The following ATXN2 variants were observed in gnomAD, a reference collection of about 807,000 sequenced individuals.
ATXN2 encodes the protein ataxin-2.
Under a neutral mutation model 138.6 loss-of-function variants are expected in ATXN2, and 37 were observed. The ratio of observed to expected loss-of-function variants is 0.27; its 90% CI spans 0.21 to 0.35. ATXN2 has a LOEUF of 0.35. ATXN2 is among the 10% of genes least tolerant of loss of function. ATXN2 has a pLI of 1.00. For synonymous variants in ATXN2, 549 were observed against 543.7 expected, an observed-to-expected ratio of 1.01 and a Z score of -0.13; for missense variants, 1,216 against 1,480.3, an observed-to-expected ratio of 0.82 and a Z score of 2.93.
At chr12:111,525,060 AT>A in intron 6 of ATXN2, 131 bp downstream of exon 6, 1 of 1,195,568 alleles carries the variant, frequency 8.4e-7, no homozygotes, top group Non-Finnish European at 1.1e-6. Context: ...GTCTCTAGTT[AT>A]ACAACAAACC....
chr12:111,575,173 C>T (rs987214631), intron 1 of ATXN2, among the ~76,000 whole-genome samples: 1 of 151,854 alleles, frequency 6.6e-6, no homozygotes, highest in Admixed American at 6.6e-5. Context: ...CAGTGGCTGT[C>T]CCTGAAGCAC....
At chr12:111,510,074 A>T in intron 12 of ATXN2, 76 bp from the exon 13 acceptor site, 3 of 1,105,070 alleles carry the variant, frequency 2.7e-6, no homozygotes, top group Non-Finnish European at 3.9e-6. Flanking sequence ...AATAATTTTG[A>T]TTTCCTATGT....
At chr12:111,585,532 C>T (rs1436131002) in intron 1 of ATXN2, among the ~76,000 whole-genome samples, 8 of 133,696 alleles carry the variant, frequency 6.0e-5, no homozygotes, top group African/African-American at 1.7e-4. Flanking sequence ...AAGCCAGGTG[C>T]GGTGGCTCAC....
intron 11 of ATXN2, chr12:111,512,460 T>G (rs1350308729): frequency 6.7e-6 from 1 of 149,846 alleles, no homozygotes; most frequent in Non-Finnish European, 1.5e-5. Context: ...ACTTTTTTTT[T>G]TTTTTTTTTT....
chr12:111,573,886 C>A, intron 1 of ATXN2, among the ~76,000 whole-genome samples: 1 of 130,672 alleles, frequency 7.7e-6, no homozygotes, highest in Non-Finnish European at 1.6e-5. Flanking sequence ...TTTTTTTTTT[C>A]CAGAAAAAAT....
At chr12:111,485,390 T>TGTCAC in intron 17 of ATXN2, 59 bp from the exon 18 acceptor site, 5 of 1,468,982 alleles carry the variant, frequency 3.4e-6, no homozygotes, top group Non-Finnish European at 4.7e-6. Flanking sequence ...CAAGGTATTC[T>TGTCAC]GTCACTCTTA....
At position 111,488,457 on chromosome 12, in the gene ATXN2, A is replaced by C; in HGVS notation, c.2240+19T>G. ...AGTTAATTGAGTAACAGGATGGTCTAAGTTCCAGGTTTACTCACTCAGCTG... is the reference window on the plus strand; with the variant it reads ...AGTTAATTGAGTAACAGGATGGTCTCAGTTCCAGGTTTACTCACTCAGCTG... On this transcript the variant is annotated intron_variant, in intron 15 of 24. Transcript: ENST00000673436. 1 of 1,587,130 alleles carries C rather than the reference A, an allele frequency of 6.3e-7. No individual in the cohort carries two copies. The highest frequency in any genetic ancestry group is 8.6e-7 in the Non-Finnish European group (1 of 1,168,380).
chr12:111,544,714 C>T (rs935682841), intron 5 of ATXN2, among the ~76,000 whole-genome samples: 1 of 151,998 alleles, frequency 6.6e-6, no homozygotes, highest in African/African-American at 2.4e-5. Flanking sequence ...GATCAATAAA[C>T]ATAAAAAATA....
intron 14 of ATXN2, 64 bp downstream of exon 14, chr12:111,509,485 T>A (rs1023146547): frequency 2.2e-6 from 2 of 924,580 alleles, no homozygotes; most frequent in East Asian, 5.4e-5. Flanking sequence ...TTTTTATAAA[T>A]AGATAAATCT....
At chr12:111,526,399 ATC>A (rs1294220930) in intron 5 of ATXN2, among the ~76,000 whole-genome samples, 4 of 139,400 alleles carry the variant, frequency 2.9e-5, no homozygotes, top group East Asian at 2.1e-4. Flanking sequence ...CATCAAAAAT[ATC>A]TCTTTTTTTT....
chr12:111,561,732 G>T (rs1457836114), intron 1 of ATXN2, among the ~76,000 whole-genome samples: 1 of 151,970 alleles, frequency 6.6e-6, no homozygotes, highest in Non-Finnish European at 1.5e-5. Context: ...TACTTGGGAG[G>T]CTGAGGCACA....
Position 111,527,530 on chromosome 12 carries a change from C to A in ATXN2, c.572-2214G>T, listed in dbSNP as rs180851137. ...AATTCTAACCTCTTCTTATCCCAAACTAGGTGTGGGTAGGTATGAGTGTGT... is the reference window on the plus strand; with the variant it reads ...AATTCTAACCTCTTCTTATCCCAAAATAGGTGTGGGTAGGTATGAGTGTGT... On this transcript the variant is annotated intron_variant, in intron 5 of 24. Transcript: ENST00000673436. 2.0e-5 allele frequency among the ~76,000 whole-genome samples: 3 copies of A among 152,312 alleles called. No homozygotes were observed. In the East Asian group the frequency reaches 5.8e-4, roughly 29 times the overall value.
intron 5 of ATXN2, among the ~76,000 whole-genome samples, chr12:111,536,164 A>C (rs552275005): frequency 9.2e-5 from 14 of 152,352 alleles, no homozygotes; most frequent in African/African-American, 3.1e-4. Context: ...GCAATGTCTA[A>C]GAATTTCTTT....
intron 1 of ATXN2, among the ~76,000 whole-genome samples, chr12:111,566,638 C>CTT (rs908579279): frequency 6.6e-5 from 9 of 136,202 alleles, no homozygotes; most frequent in African/African-American, 1.1e-4. Flanking sequence ...AATTGCTTTT[C>CTT]TTTTTTTTTT....
rs1566020388 is a variant in ATXN2, at chr12:111,488,492, T to TCTCTTCCTTATCGTCTTTCTC, written c.2203_2223dup (p.Glu735_Glu741dup). On this transcript the variant is annotated inframe_insertion, in exon 15 of 25. Coordinates refer to ENST00000673436, the MANE Select transcript of ATXN2 (RefSeq NM_001372574.1). ...TTTACTCACTCAGCTGCGTCTTTCT[T>TCTCTTCCTTATCGTCTTTCTC]CTCTTCCTTATCGTCTTTCTCTTGT... 6.2e-7 allele frequency: 1 copy of TCTCTTCCTTATCGTCTTTCTC among 1,611,142 alleles called. No homozygotes were observed. Among genetic ancestry groups the TCTCTTCCTTATCGTCTTTCTC allele is most frequent in the East Asian group, 2.2e-5 (1 of 44,824 alleles).
intron 22 of ATXN2, among the ~76,000 whole-genome samples, chr12:111,456,559 C>A (rs1399018161): frequency 6.6e-6 from 1 of 152,186 alleles, no homozygotes; most frequent in African/African-American, 2.4e-5. Flanking sequence ...TAACTGCCTC[C>A]ATTAGCAAAC....
At chr12:111,478,640 A>G (rs1262711391) in intron 18 of ATXN2, among the ~76,000 whole-genome samples, 2 of 152,196 alleles carry the variant, frequency 1.3e-5, no homozygotes, top group Non-Finnish European at 2.9e-5. Context: ...GAACCTACAC[A>G]TGTACCTGAT....
Position 111,525,177 on chromosome 12 carries a change from A to G in ATXN2, c.696+15T>C. 6.2e-7 allele frequency: 1 copy of G among 1,601,810 alleles called. No individual in the cohort carries two copies. Among genetic ancestry groups the G allele is most frequent in the Non-Finnish European group, 8.5e-7 (1 of 1,176,658 alleles). On this transcript the variant is annotated intron_variant, in intron 6 of 24. Coordinates refer to ENST00000673436, the MANE Select transcript of ATXN2 (RefSeq NM_001372574.1). ...CTGACCAGAGTCTAGCAATAATTAC[A>G]AAGATGTTACTTACTACGTCATTTT...
rs545409467 is a variant in ATXN2, at chr12:111,592,691, G to A, written c.251+6093C>T. 3.4e-5 allele frequency among the ~76,000 whole-genome samples: 5 copies of A among 146,984 alleles called. No individual in the cohort carries two copies. In the South Asian group the frequency reaches 8.8e-4, roughly 26 times the overall value. ...CCAGCTACTCAGGAGGCTGAGGCAG[G>A]AGAATCACTTGAACCCGGGAGGCAA... On this transcript the variant is annotated intron_variant, in intron 1 of 24. Transcript: ENST00000673436.
Sources: gnomAD v4.1 joint callset for allele counts (sites outside exome capture counted in the v4.1 genomes callset) on GRCh38, gnomAD v4.1.1 for gene constraint, MANE v1.5 for transcripts, NCBI Gene and HGNC (gene_info 2026-07-23, HGNC 2026-07-21) for gene names.